The following CERT1 variants were observed in gnomAD, a reference collection of about 807,000 sequenced individuals.
CERT1 encodes ceramide transfer protein.
Under a neutral mutation model 87.9 loss-of-function variants are expected in CERT1, and 31 were observed. The ratio of observed to expected loss-of-function variants is 0.35; its 90% CI spans 0.27 to 0.48. The LOEUF is 0.48. CERT1 is among the 20% of genes least tolerant of loss of function. The pLI is 0.99. For missense variants in CERT1, 487 were observed against 758.0 expected (o/e 0.64, Z 4.20); for synonymous variants, 289 against 250.9 (o/e 1.15, Z -1.44).
intron 2 of CERT1, among the ~76,000 whole-genome samples, chr5:75,463,705 T>C (rs1765333658): frequency 6.6e-6 from 1 of 152,094 alleles, no homozygotes; most frequent in South Asian, 2.1e-4. Flanking sequence ...ACTGAGACAA[T>C]GATTATTGCC....
intron 3 of CERT1, among the ~76,000 whole-genome samples, chr5:75,441,740 T>C (rs1021222735): frequency 2.0e-5 from 3 of 152,194 alleles, no homozygotes; most frequent in Non-Finnish European, 4.4e-5. Context: ...GTGGCAGAAT[T>C]TCCTTCTTTT....
intron 3 of CERT1, among the ~76,000 whole-genome samples, chr5:75,436,918 T>C (rs919651190): frequency 6.6e-6 from 1 of 152,148 alleles, no homozygotes; most frequent in African/African-American, 2.4e-5. Flanking sequence ...CTGGGACTAA[T>C]GGCATGCAGC....
intron 3 of CERT1, among the ~76,000 whole-genome samples, chr5:75,427,409 G>A (rs966177349): frequency 1.3e-5 from 2 of 152,112 alleles, no homozygotes; most frequent in East Asian, 1.9e-4. Context: ...GACCAGCCTG[G>A]CCAATATGGT....
At chr5:75,405,818 T>C (rs763967085) in intron 8 of CERT1, among the ~76,000 whole-genome samples, 2 of 143,592 alleles carry the variant, frequency 1.4e-5, no homozygotes, top group African/African-American at 5.1e-5. Context: ...GGAAAAAACA[T>C]AGCACATATA....
intron 11 of CERT1, among the ~76,000 whole-genome samples, chr5:75,391,910 G>A (rs1762038950): frequency 6.6e-6 from 1 of 152,042 alleles, no homozygotes; most frequent in Admixed American, 6.6e-5. Context: ...ACTTTCAATA[G>A]GTTACCTATG....
intron 11 of CERT1, among the ~76,000 whole-genome samples, chr5:75,397,955 GT>G (rs1375224537): frequency 6.6e-6 from 1 of 152,114 alleles, no homozygotes; most frequent in Non-Finnish European, 1.5e-5. Flanking sequence ...GGAGATGGAG[GT>G]TGCAGTGAGC....
At chr5:75,403,583 G>GT (rs1193280621) in intron 8 of CERT1, among the ~76,000 whole-genome samples, 2 of 152,188 alleles carry the variant, frequency 1.3e-5, no homozygotes, top group African/African-American at 2.4e-5. Flanking sequence ...TTGCAATGAG[G>GT]TAAGTAAAAA....
At chr5:75,480,757 A>T (rs528164670) in intron 2 of CERT1, among the ~76,000 whole-genome samples, 39 of 152,326 alleles carry the variant, frequency 2.6e-4, no homozygotes, top group African/African-American at 9.4e-4. Flanking sequence ...CGACCTGAAT[A>T]ATCTGATTTC....
chr5:75,379,338 T>C lies in CERT1; in HGVS notation c.*8A>G, dbSNP rs1761459472. The C allele has an allele frequency of 6.2e-7, 1 of 1,605,568 alleles. No homozygotes were observed. Among genetic ancestry groups the C allele is most frequent in the Non-Finnish European group, 8.5e-7 (1 of 1,173,994 alleles). ...AAGATAAAACATATCTTCTAGTACC[T>C]GTTAATACTAGAACAAAATAGGCTT... is the stretch of plus-strand genomic sequence containing the variant. On this transcript the variant is annotated 3_prime_UTR_variant, in exon 17 of 17. Coordinates refer to ENST00000643780, the MANE Select transcript of CERT1 (RefSeq NM_001379029.1).
At position 75,410,952 on chromosome 5, in the gene CERT1, T is replaced by A. The variant is rs1296579419; in HGVS notation, c.930+59A>T. The A allele has an allele frequency of 1.3e-5, 12 of 897,920 alleles. No homozygotes were observed. The Middle Eastern group carries it at 1.0e-3, about 78-fold the overall frequency. 55.6% of individuals were successfully genotyped at this position (897,920 alleles called of 1,614,324 possible). A position where few individuals can be genotyped will look rare whatever the true frequency, so the allele number is the denominator to read the frequency against. ...AGGTTACAAGAGTATTATTAAAAAA[T>A]CACTTTTGTGATAGACATGATCTAT... On this transcript the variant is annotated intron_variant, in intron 8 of 16. Coordinates refer to ENST00000643780, the MANE Select transcript of CERT1 (RefSeq NM_001379029.1).
At chr5:75,437,865 T>C in intron 3 of CERT1, among the ~76,000 whole-genome samples, 2 of 151,732 alleles carry the variant, frequency 1.3e-5, no homozygotes, top group Middle Eastern at 6.9e-3. Flanking sequence ...ATTATGCCAG[T>C]AACTACAATA....
At chr5:75,495,910 T>TAATAAAAAAAGTATAATAAAA (rs1767040331) in intron 2 of CERT1, among the ~76,000 whole-genome samples, 2 of 150,828 alleles carry the variant, frequency 1.3e-5, no homozygotes, top group African/African-American at 2.4e-5. Flanking sequence ...CCCTAAAACT[T>TAATAAAAAAAGTATAATAAAA]AAAGTATAAT....
chr5:75,489,177 G>A (rs1361037540), intron 2 of CERT1, among the ~76,000 whole-genome samples: 4 of 152,152 alleles, frequency 2.6e-5, no homozygotes, highest in Non-Finnish European at 4.4e-5. Context: ...ATGGTGTTGG[G>A]AAAACTGGCT....
chr5:75,412,432 TAA>T (rs1382562407), intron 7 of CERT1, among the ~76,000 whole-genome samples: 1 of 152,186 alleles, frequency 6.6e-6, no homozygotes, highest in Non-Finnish European at 1.5e-5. Flanking sequence ...TCAAAAATCA[TAA>T]GAGAACAGAT....
intron 2 of CERT1, among the ~76,000 whole-genome samples, chr5:75,504,879 C>T (rs1767581355): frequency 1.3e-5 from 2 of 152,098 alleles, no homozygotes; most frequent in African/African-American, 4.8e-5. Flanking sequence ...TGGTTGTTCC[C>T]AAACCTGTTT....
At chr5:75,384,383 T>C (rs1259669192) in intron 14 of CERT1, among the ~76,000 whole-genome samples, 1 of 152,152 alleles carries the variant, frequency 6.6e-6, no homozygotes, top group Non-Finnish European at 1.5e-5. Context: ...AAATAAAAAG[T>C]GCACAAAGGG....
chr5:75,490,514 T>C (rs1318346907), intron 2 of CERT1, among the ~76,000 whole-genome samples: 2 of 152,124 alleles, frequency 1.3e-5, no homozygotes, highest in African/African-American at 4.8e-5. Flanking sequence ...TTTATTTTTT[T>C]TTGAGACAGA....
chr5:75,437,031 C>G (rs1054562125), intron 3 of CERT1, among the ~76,000 whole-genome samples: 1 of 152,156 alleles, frequency 6.6e-6, no homozygotes, highest in Non-Finnish European at 1.5e-5. Flanking sequence ...AGCGATTCTC[C>G]TACCTTGGCC....
intron 2 of CERT1, among the ~76,000 whole-genome samples, chr5:75,461,009 C>T (rs374623789): frequency 8.5e-5 from 13 of 152,154 alleles, no homozygotes; most frequent in African/African-American, 1.4e-4. Flanking sequence ...TAAGCGATAA[C>T]GTCCAACATT....
Sources: allele counts gnomAD v4.1 joint callset (sites outside exome capture counted in the v4.1 genomes callset), GRCh38; gene constraint gnomAD v4.1.1; transcripts MANE v1.5; gene names NCBI Gene and HGNC (gene_info 2026-07-23, HGNC 2026-07-21).